Variants in ELAPOR1 observed in about 807,000 individuals in gnomAD.
ELAPOR1 encodes endosome-lysosome associated apoptosis and autophagy regulator 1, also known as endosome/lysosome-associated apoptosis and autophagy regulator 1.
A neutral mutation model predicts 119.7 loss-of-function variants in ELAPOR1; 77 were observed. The ratio of observed to expected loss-of-function variants is 0.64; its 90% CI spans 0.54 to 0.78. ELAPOR1 has a LOEUF of 0.78. Among genes scored for constraint, ELAPOR1 ranks in the 30% least tolerant of loss-of-function variants. The pLI, the probability that ELAPOR1 is intolerant of heterozygous loss-of-function variation, is 0.00. For missense variants in ELAPOR1, 1,115 were observed against 1,270.4 expected (o/e 0.88, Z 1.86); for synonymous variants, 481 against 487.2 (o/e 0.99, Z 0.17).
intron 3 of ELAPOR1, among the ~76,000 whole-genome samples, chr1:109,168,685 G>C (rs1301770542): frequency 6.6e-6 from 1 of 152,160 alleles, no homozygotes; most frequent in African/African-American, 2.4e-5. Context: ...GAATGAGAGA[G>C]AAATGTAAAC....
chr1:109,199,652 C>G (rs1654039129), intron 18 of ELAPOR1, among the ~76,000 whole-genome samples: 1 of 152,194 alleles, frequency 6.6e-6, no homozygotes, highest in Admixed American at 6.5e-5. Context: ...GTGGGGAGCC[C>G]ACTGGAGGCC....
intron 1 of ELAPOR1, among the ~76,000 whole-genome samples, chr1:109,115,528 C>T (rs893669378): frequency 6.6e-6 from 1 of 152,200 alleles, no homozygotes; most frequent in Non-Finnish European, 1.5e-5. Flanking sequence ...GACTTCCCAC[C>T]TCGGCCTCCC....
At chr1:109,176,433 C>T (rs1239672481) in intron 7 of ELAPOR1, among the ~76,000 whole-genome samples, 1 of 152,088 alleles carries the variant, frequency 6.6e-6, no homozygotes, top group Non-Finnish European at 1.5e-5. Flanking sequence ...TCAAACAGAC[C>T]TACATATCCC....
chr1:109,191,788 C>G lies in ELAPOR1; in HGVS notation c.1608C>G (p.Ser536=). Residue 536 remains serine (S), a synonymous_variant, in exon 13 of 22, where the codon TCC becomes TCG. Coordinates refer to ENST00000369939, the MANE Select transcript of ELAPOR1 (RefSeq NM_020775.5). ...GGAAAGGTTCCAAAGGCAAACAGTC[C>G]TATACCTACATCATTGAGGAGAACA... is the stretch of plus-strand genomic sequence containing the variant. ...ETWKGSKGKQ[S]YTYIIEENTT... 6.2e-7 allele frequency: 1 copy of G among 1,614,214 alleles called. No homozygotes were observed. Among genetic ancestry groups the G allele is most frequent in the South Asian group, 1.1e-5 (1 of 91,088 alleles).
chr1:109,124,622 T>C (rs1003537548), intron 1 of ELAPOR1, among the ~76,000 whole-genome samples: 1 of 152,246 alleles, frequency 6.6e-6, no homozygotes, highest in Non-Finnish European at 1.5e-5. Context: ...TATTTCATAT[T>C]GTTCCCTATT....
intron 1 of ELAPOR1, among the ~76,000 whole-genome samples, chr1:109,144,607 C>T (rs1374690978): frequency 4.0e-5 from 6 of 151,864 alleles, no homozygotes; most frequent in East Asian, 2.0e-4. Context: ...CCGGGTGTGG[C>T]GGCATATGCC....
chr1:109,169,239 CTAT>C (rs925634165), intron 3 of ELAPOR1, among the ~76,000 whole-genome samples: 23 of 152,068 alleles, frequency 1.5e-4, no homozygotes, highest in Admixed American at 4.6e-4. Flanking sequence ...CTTTAACTGG[CTAT>C]TATTATTATT....
intron 7 of ELAPOR1, among the ~76,000 whole-genome samples, chr1:109,180,841 T>A (rs649481): frequency 0.95 from 144,608 of 152,144 alleles, 69,176 homozygotes; most frequent in Middle Eastern, 1. Flanking sequence ...GGCATGCACC[T>A]GTAGTCCCAG....
At position 109,173,598 on chromosome 1, in the gene ELAPOR1, C is replaced by G. The variant is rs563387285; in HGVS notation, c.802+19C>G. 4.3e-6 allele frequency: 7 copies of G among 1,613,670 alleles called. No homozygotes were observed. The Admixed American group carries it at 1.2e-4, about 27-fold the overall frequency. On this transcript the variant is annotated intron_variant, in intron 6 of 21. Transcript: ENST00000369939. The stretch of plus-strand genomic sequence containing the variant: ...ATAACAGGTACTGAGAGCAGGGTTA[C>G]TGACTTCCTGGGCTGTTGACTTTGC...
chr1:109,183,578 T>A (rs12750630), intron 7 of ELAPOR1, among the ~76,000 whole-genome samples: 116 of 6,856 alleles, frequency 0.017, 2 homozygotes, highest in Middle Eastern at 0.17. Context: ...CCTTCCTTCC[T>A]TCCTTCCTTC....
At chr1:109,187,618 C>T in intron 8 of ELAPOR1, 6 of 1,002,348 alleles carry the variant, frequency 6.0e-6, no homozygotes, top group Non-Finnish European at 7.2e-6. Flanking sequence ...CGGGTCATCT[C>T]CACTTCTGTA....
intron 8 of ELAPOR1, chr1:109,187,630 C>G (rs1653137153): frequency 2.0e-6 from 2 of 1,002,080 alleles, no homozygotes; most frequent in South Asian, 9.4e-5. Context: ...ACTTCTGTAC[C>G]CAATGCAGGG....
chr1:109,161,638 AC>A (rs958639205), intron 1 of ELAPOR1: 1 of 316,402 alleles, frequency 3.2e-6, no homozygotes, highest in African/African-American at 2.1e-5. Flanking sequence ...TAAGGACACT[AC>A]TTAAACATAA....
intron 1 of ELAPOR1, among the ~76,000 whole-genome samples, chr1:109,118,339 A>G (rs906995847): frequency 6.6e-6 from 1 of 152,204 alleles, no homozygotes; most frequent in Admixed American, 6.5e-5. Context: ...GAAATGTGCA[A>G]TAGTGTGAGA....
intron 8 of ELAPOR1, 130 bp from the exon 9 acceptor site, chr1:109,188,047 C>T: frequency 1.4e-6 from 2 of 1,434,000 alleles, no homozygotes; most frequent in Non-Finnish European, 9.2e-7. Flanking sequence ...ACACAAAGTT[C>T]CCCACCCCAG....
At chr1:109,132,186 C>CA (rs1649192624) in intron 1 of ELAPOR1, among the ~76,000 whole-genome samples, 1 of 151,836 alleles carries the variant, frequency 6.6e-6, no homozygotes, top group African/African-American at 2.4e-5. Flanking sequence ...CTTGCTCTGT[C>CA]ACCCAGGCTA....
intron 3 of ELAPOR1, among the ~76,000 whole-genome samples, chr1:109,169,058 G>A (rs967039820): frequency 2.0e-5 from 3 of 152,104 alleles, no homozygotes; most frequent in Non-Finnish European, 4.4e-5. Flanking sequence ...AGCATTAAAG[G>A]TTATCCCTTT....
In ELAPOR1 at chr1:109,197,545, C is replaced by T. The variant is rs777409423; in HGVS notation, c.2193C>T (p.Ser731=). ...TTCCTGAGGGTGAGTCAGGGTTCTC[C>T]AAATCTATCACAGCCTACGTCTGCC... ...LRIPEGESGF[S]KSITAYVCQA... The change falls in exon 16 of 22, where the codon TCC becomes TCT. Residue 731 remains serine, a synonymous_variant. Transcript: ENST00000369939. The T allele has an allele frequency of 2.5e-6, 4 of 1,614,040 alleles. No individual in the cohort carries two copies. Among genetic ancestry groups the T allele is most frequent in the Non-Finnish European group, 1.7e-6 (2 of 1,180,034 alleles).
intron 7 of ELAPOR1, among the ~76,000 whole-genome samples, chr1:109,184,784 TGG>T (rs980317129): frequency 5.9e-5 from 9 of 152,156 alleles, no homozygotes; most frequent in Non-Finnish European, 2.9e-5. Flanking sequence ...CCTTGCCCCA[TGG>T]GGCGGGGGAC....
Sources: allele counts gnomAD v4.1 joint callset (sites outside exome capture counted in the v4.1 genomes callset), GRCh38; gene constraint gnomAD v4.1.1; transcripts MANE v1.5; gene names NCBI Gene and HGNC (gene_info 2026-07-23, HGNC 2026-07-21).